SEC23A: variants seen among roughly 807,000 people sequenced by gnomAD.
The protein encoded by SEC23A is protein transport protein Sec23A.
A neutral mutation model predicts 103.7 loss-of-function variants in SEC23A; 56 were observed. The ratio of observed to expected loss-of-function variants is 0.54; its 90% CI spans 0.44 to 0.67. SEC23A has a LOEUF of 0.67. Ranked by LOEUF, SEC23A falls within the 30% of genes least tolerant of loss-of-function variation. SEC23A has a pLI of 0.00. For synonymous variants in SEC23A, 281 were observed against 293.0 expected (o/e 0.96, Z 0.42); for missense variants, 784 against 936.4 (o/e 0.84, Z 2.12).
chr14:39,046,099 G>A (rs894263360), intron 15 of SEC23A, among the ~76,000 whole-genome samples: 2 of 152,128 alleles, frequency 1.3e-5, no homozygotes, highest in Non-Finnish European at 2.9e-5. Context: ...CTGCTGCCAC[G>A]TAAGATATGT....
intron 9 of SEC23A, among the ~76,000 whole-genome samples, 167 bp downstream of exon 9, chr14:39,074,248 T>C (rs1258431113): frequency 6.6e-6 from 1 of 152,166 alleles, no homozygotes; most frequent in Admixed American, 6.5e-5. Flanking sequence ...TTTAAACAAA[T>C]TCAAAAGTGT....
chr14:39,039,023 A>C lies in SEC23A; in HGVS notation c.2208+8T>G. 1 of 1,608,528 alleles carries C rather than the reference A, an allele frequency of 6.2e-7. No homozygotes were observed. Among genetic ancestry groups the C allele is most frequent in the Non-Finnish European group, 8.5e-7 (1 of 1,174,990 alleles). ...AAATAATTTCCAAGACCTGCTATTT[A>C]AACTTACCTGCCCCCAGGCATACAT... On this transcript the variant is annotated splice_region_variant and intron_variant, in intron 19 of 19. Transcript: ENST00000307712.
At chr14:39,084,929 C>T (rs1289524815) in intron 7 of SEC23A, among the ~76,000 whole-genome samples, 1 of 152,174 alleles carries the variant, frequency 6.6e-6, no homozygotes, top group Non-Finnish European at 1.5e-5. Context: ...CCTCAGCCTC[C>T]CAAAGTGCTG....
intron 9 of SEC23A, among the ~76,000 whole-genome samples, chr14:39,070,206 T>C (rs2139241902): frequency 6.6e-6 from 1 of 152,236 alleles, no homozygotes; most frequent in East Asian, 1.9e-4. Flanking sequence ...TTACTTGCAG[T>C]GCCTTGAGCA....
intron 16 of SEC23A, among the ~76,000 whole-genome samples, chr14:39,044,593 T>C (rs1026387832): frequency 2.4e-4 from 37 of 152,262 alleles, no homozygotes; most frequent in African/African-American, 8.9e-4. Flanking sequence ...CCATTTTAAC[T>C]ACAGAATGGA....
chr14:39,101,523 CAGG>C (rs908331987), intron 1 of SEC23A, among the ~76,000 whole-genome samples: 12 of 151,186 alleles, frequency 7.9e-5, no homozygotes, highest in African/African-American at 2.7e-4. Context: ...GCGGCTGAGA[CAGG>C]AGAATAGCTT....
intron 7 of SEC23A, among the ~76,000 whole-genome samples, chr14:39,084,489 A>G (rs1480163584): frequency 2.0e-5 from 3 of 152,228 alleles, no homozygotes; most frequent in Non-Finnish European, 4.4e-5. Flanking sequence ...ATGCTGGAGG[A>G]AAACACTTCA....
At chr14:39,074,886 T>A (rs1462246222) in intron 8 of SEC23A, among the ~76,000 whole-genome samples, 1 of 152,154 alleles carries the variant, frequency 6.6e-6, no homozygotes, top group Non-Finnish European at 1.5e-5. Context: ...GGCAGGCAGA[T>A]CATGAGGTCA....
At chr14:39,090,974 G>A (rs1887642688) in intron 5 of SEC23A, 2 of 350,650 alleles carry the variant, frequency 5.7e-6, no homozygotes, top group Non-Finnish European at 1.1e-5. Context: ...CCAACAGTTG[G>A]TGCTGCACCT....
intron 1 of SEC23A, among the ~76,000 whole-genome samples, chr14:39,098,068 G>A (rs1010396158): frequency 6.6e-6 from 1 of 151,114 alleles, no homozygotes; most frequent in African/African-American, 2.4e-5. Flanking sequence ...CAGCCTGGGC[G>A]ACAGAACAAG....
intron 16 of SEC23A, 133 bp from the exon 17 acceptor site, chr14:39,043,005 C>A (rs1440593892): frequency 9.6e-6 from 6 of 623,030 alleles, no homozygotes; most frequent in African/African-American, 1.9e-5. Flanking sequence ...GGAGAAGGGT[C>A]TTGCTCTGTC....
chr14:39,065,589 C>T (rs768690483), intron 10 of SEC23A, among the ~76,000 whole-genome samples: 6 of 152,164 alleles, frequency 3.9e-5, no homozygotes, highest in Non-Finnish European at 8.8e-5. Flanking sequence ...CATTCAAATA[C>T]AAAGCATCTA....
chr14:39,083,709 C>A (rs934532349), intron 7 of SEC23A, among the ~76,000 whole-genome samples: 2 of 150,928 alleles, frequency 1.3e-5, no homozygotes, highest in Non-Finnish European at 3.0e-5. Context: ...ACTACAGGCG[C>A]CTGCCACCAC....
chr14:39,090,550 C>T (rs965708096), intron 5 of SEC23A, among the ~76,000 whole-genome samples: 5 of 152,124 alleles, frequency 3.3e-5, no homozygotes, highest in South Asian at 2.1e-4. Context: ...CACTAAAAAT[C>T]GTCCAGTCTC....
chr14:39,089,445 A>C (rs1887582225), intron 5 of SEC23A, among the ~76,000 whole-genome samples: 1 of 152,130 alleles, frequency 6.6e-6, no homozygotes, highest in Admixed American at 6.6e-5. Flanking sequence ...TCATGGAAAC[A>C]TGATTCTCCT....
At chr14:39,043,617 G>C (rs1885725495) in intron 16 of SEC23A, among the ~76,000 whole-genome samples, 1 of 152,204 alleles carries the variant, frequency 6.6e-6, no homozygotes, top group African/African-American at 2.4e-5. Context: ...ACATCACTGA[G>C]AGGGAAGACA....
At chr14:39,102,767 C>T (rs1409891202) in intron 1 of SEC23A, among the ~76,000 whole-genome samples, 7 of 152,118 alleles carry the variant, frequency 4.6e-5, no homozygotes. Flanking sequence ...GGGGTGGGTG[C>T]TGGGCGAGAT....
At chr14:39,056,925 T>C (rs1477648151) in intron 13 of SEC23A, among the ~76,000 whole-genome samples, 1 of 152,170 alleles carries the variant, frequency 6.6e-6, no homozygotes, top group Non-Finnish European at 1.5e-5. Flanking sequence ...CCAGTCAGCA[T>C]GGTGGCACAC....
At chr14:39,047,245 G>T in intron 15 of SEC23A, 1 of 347,212 alleles carries the variant, frequency 2.9e-6, no homozygotes, top group Non-Finnish European at 5.3e-6. Context: ...CCAACAAGAA[G>T]GCTTGAGGCA....
Sources: gnomAD v4.1 joint callset for allele counts (sites outside exome capture counted in the v4.1 genomes callset) on GRCh38, gnomAD v4.1.1 for gene constraint, MANE v1.5 for transcripts, NCBI Gene and HGNC (gene_info 2026-07-23, HGNC 2026-07-21) for gene names.